Variants in FOXK1 observed in about 807,000 individuals in gnomAD.
The protein encoded by FOXK1 is forkhead box protein K1.
A neutral mutation model predicts 51.9 loss-of-function variants in FOXK1; 19 were observed. The observed-to-expected ratio is 0.37, with a 90% CI of 0.26 to 0.54. The LOEUF (loss-of-function observed/expected upper bound fraction) is 0.54, where lower values mean the gene tolerates loss of function less well. FOXK1 is among the 20% of genes least tolerant of loss of function. The pLI is 0.87. For synonymous variants in FOXK1, 537 were observed against 482.6 expected (o/e 1.11, Z -1.48); for missense variants, 870 against 1,032.7 (o/e 0.84, Z 2.16).
At position 4,755,506 on chromosome 7, in the gene FOXK1, C is replaced by T; in HGVS notation, c.1050+123C>T. On this transcript the variant is annotated intron_variant, in intron 4 of 8. Coordinates refer to ENST00000328914, the MANE Select transcript of FOXK1 (RefSeq NM_001037165.2). This position sits in a 1 kb window ranked among gnomAD's most constrained non-coding sequence, Gnocchi z 6.6. ...AGGGGGCTCACGCCTGGAACCCTAG[C>T]ATTTTGTGAGGCCGAGGCAGGAGGA... is the stretch of plus-strand genomic sequence containing the variant. The T allele has an allele frequency of 7.4e-7, 1 of 1,352,120 alleles. No individual in the cohort carries two copies. Among genetic ancestry groups the T allele is most frequent in the Non-Finnish European group, 1.0e-6 (1 of 999,702 alleles). 83.8% of individuals were successfully genotyped at this position (1,352,120 alleles called of 1,614,324 possible). A position where few individuals can be genotyped will look rare whatever the true frequency, so the allele number is the denominator to read the frequency against.
At chr7:4,690,276 C>A (rs1410724888) in intron 1 of FOXK1, among the ~76,000 whole-genome samples, 1 of 152,208 alleles carries the variant, frequency 6.6e-6, no homozygotes, top group Non-Finnish European at 1.5e-5. Context: ...GGAGGGGGAG[C>A]CGCTTCGCGG....
rs1583215098 is a variant in FOXK1 at position 4,763,693 on chromosome 7, A to G, written c.*1229A>G. 1 of 152,272 alleles carries G rather than the reference A, an allele frequency of 6.6e-6. No individual in the cohort carries two copies. The highest frequency in any genetic ancestry group is 2.1e-4 in the South Asian group (1 of 4,834). The allele number at this position is 152,272 out of a possible 1,614,324, so 9.4% of individuals were successfully genotyped here. On this transcript the variant is annotated 3_prime_UTR_variant, in exon 9 of 9. Coordinates refer to ENST00000328914, the MANE Select transcript of FOXK1 (RefSeq NM_001037165.2). ...TTGGGTGGTTCTGGGGTCCCTGAGG[A>G]AGCCCCCTCCTGCACTTCCATTAAG... is the stretch of plus-strand genomic sequence containing the variant.
intron 1 of FOXK1, among the ~76,000 whole-genome samples, chr7:4,726,257 C>T (rs1055511393): frequency 2.0e-5 from 3 of 152,162 alleles, no homozygotes; most frequent in Middle Eastern, 3.2e-3. Context: ...TTAGGAAGCA[C>T]GAGACCTGTG....
intron 1 of FOXK1, among the ~76,000 whole-genome samples, chr7:4,688,451 A>C (rs1779848499): frequency 6.6e-6 from 1 of 151,032 alleles, no homozygotes; most frequent in Admixed American, 6.6e-5. Flanking sequence ...CCCAGGCTGG[A>C]GTGCAGTGGC....
Position 4,722,234 on chromosome 7 carries a change from C to T in FOXK1, c.561-18604C>T, listed in dbSNP as rs1038512397. 1.3e-5 allele frequency among the ~76,000 whole-genome samples: 2 copies of T among 152,170 alleles called. No individual in the cohort carries two copies. The highest frequency in any genetic ancestry group is 2.9e-5 in the Non-Finnish European group (2 of 68,002). On this transcript the variant is annotated intron_variant, in intron 1 of 8. Coordinates refer to ENST00000328914, the MANE Select transcript of FOXK1 (RefSeq NM_001037165.2). The surrounding 1 kb of genome is among the most constrained non-coding windows in gnomAD (Gnocchi z 5.1). Reference sequence around the variant, plus strand: ...ACGGCCGCCTGGAAATAAATGCCAGCACCGTGCAAGCTGGCTTTGCATTCT... The same window carrying T: ...ACGGCCGCCTGGAAATAAATGCCAGTACCGTGCAAGCTGGCTTTGCATTCT...
rs1184254740 is a variant in FOXK1, at chr7:4,706,048, ATATATG to A, written c.560+23186_560+23191del. 3.2e-4 allele frequency among the ~76,000 whole-genome samples: 43 copies of A among 133,766 alleles called. 1 individual carries two copies. Among genetic ancestry groups the A allele is most frequent in the Non-Finnish European group, 6.3e-4 (42 of 66,942 alleles). The allele number at this position is 133,766 out of a possible 152,430, so 87.8% of individuals were successfully genotyped here. A position where few individuals can be genotyped will look rare whatever the true frequency, so the allele number is the denominator to read the frequency against. On this transcript the variant is annotated intron_variant, in intron 1 of 8. Coordinates refer to ENST00000328914, the MANE Select transcript of FOXK1 (RefSeq NM_001037165.2). ...CGTGTATATACGTGTATATACGTGT[ATATATG>A]TATATATATGTGTATATATGTATAT...
chr7:4,694,134 AC>A (rs1046421900), intron 1 of FOXK1, among the ~76,000 whole-genome samples: 2 of 152,040 alleles, frequency 1.3e-5, no homozygotes, highest in Non-Finnish European at 2.9e-5. Context: ...TGATCCTCCC[AC>A]CTGGGCTTCC....
rs1047255520 is a variant in FOXK1, at chr7:4,731,602, A to G, written c.561-9236A>G. Among the ~76,000 whole-genome samples, 1 of 152,094 alleles carries G rather than the reference A, an allele frequency of 6.6e-6. No individual in the cohort carries two copies. Among genetic ancestry groups the G allele is most frequent in the African/African-American group, 2.4e-5 (1 of 41,418 alleles). ...TGGTGAAACCCCATCTCTACTAAAA[A>G]TACAAAAATTAGCCGGGCATGGTGG... On this transcript the variant is annotated intron_variant, in intron 1 of 8. Transcript: ENST00000328914. The surrounding 1 kb of genome is among the most constrained non-coding windows in gnomAD (Gnocchi z 5.3).
chr7:4,688,500 T>C (rs1194785330), intron 1 of FOXK1, among the ~76,000 whole-genome samples: 1 of 151,924 alleles, frequency 6.6e-6, no homozygotes, highest in Non-Finnish European at 1.5e-5. Flanking sequence ...GTTCAAGCGA[T>C]TCCCCCTGCC....
chr7:4,697,989 T>C (rs951627009), intron 1 of FOXK1, among the ~76,000 whole-genome samples: 30 of 152,046 alleles, frequency 2.0e-4, no homozygotes, highest in Non-Finnish European at 1.5e-5. Flanking sequence ...CATGCCTGGC[T>C]AATTTTTGTA....
At chr7:4,690,941 T>C (rs965845284) in intron 1 of FOXK1, among the ~76,000 whole-genome samples, 1 of 152,234 alleles carries the variant, frequency 6.6e-6, no homozygotes, top group African/African-American at 2.4e-5. Context: ...GAGAGGATTA[T>C]ATAAAATGCT....
intron 1 of FOXK1, among the ~76,000 whole-genome samples, chr7:4,710,332 G>A (rs1780158803): frequency 6.6e-6 from 1 of 152,152 alleles, no homozygotes; most frequent in African/African-American, 2.4e-5. Context: ...GATTGCTTGA[G>A]CCCAGGAGTT....
rs1303542622 is a variant in FOXK1 at position 4,749,708 on chromosome 7, T to C, written c.747-4751T>C. On this transcript the variant is annotated intron_variant, in intron 2 of 8. Transcript: ENST00000328914. The surrounding 1 kb of genome is among the most constrained non-coding windows in gnomAD (Gnocchi z 6.0). Reference sequence around the variant, plus strand: ...CCCTAGGCCTCTCAGGGTGGCCTTCTCAGCCTCAGAGCAGAGCCAAGGGCA... The same window carrying C: ...CCCTAGGCCTCTCAGGGTGGCCTTCCCAGCCTCAGAGCAGAGCCAAGGGCA... Among the ~76,000 whole-genome samples, 1 of 152,188 alleles carries C rather than the reference T, an allele frequency of 6.6e-6. No individual in the cohort carries two copies.
intron 2 of FOXK1, 87 bp downstream of exon 2, chr7:4,741,110 A>G (rs1583204501): frequency 2.5e-5 from 24 of 970,870 alleles, no homozygotes; most frequent in Middle Eastern, 2.6e-4. Context: ...CCGGGTTCCA[A>G]ATCTCTCTGG....
At chr7:4,754,060 G>A (rs1485827296) in intron 2 of FOXK1, among the ~76,000 whole-genome samples, 2 of 152,170 alleles carry the variant, frequency 1.3e-5, no homozygotes, top group African/African-American at 4.8e-5. Context: ...TTCCCACAGC[G>A]CCGCCTTGTG....
At position 4,735,046 on chromosome 7, in the gene FOXK1, G is replaced by C. The variant is rs891940776; in HGVS notation, c.561-5792G>C. Among the ~76,000 whole-genome samples, 2 of 152,160 alleles carry C rather than the reference G, an allele frequency of 1.3e-5. No individual in the cohort carries two copies. Among genetic ancestry groups the C allele is most frequent in the Admixed American group, 6.5e-5 (1 of 15,270 alleles). On this transcript the variant is annotated intron_variant, in intron 1 of 8. Coordinates refer to ENST00000328914, the MANE Select transcript of FOXK1 (RefSeq NM_001037165.2). The surrounding 1 kb of genome is among the most constrained non-coding windows in gnomAD (Gnocchi z 4.7). The stretch of plus-strand genomic sequence containing the variant: ...GTGAGCTATTTTTATTTTCCTGACA[G>C]CTTTCTGTTTGGCCGGGCAGGTGGT...
intron 2 of FOXK1, among the ~76,000 whole-genome samples, chr7:4,746,207 C>CA (rs1182155400): frequency 6.6e-6 from 1 of 152,228 alleles, no homozygotes; most frequent in African/African-American, 2.4e-5. Context: ...CAACTGACTT[C>CA]AAAATCTTTC....
intron 1 of FOXK1, among the ~76,000 whole-genome samples, chr7:4,739,353 C>T (rs954806910): frequency 1.7e-4 from 26 of 152,226 alleles, no homozygotes; most frequent in African/African-American, 5.8e-4. Flanking sequence ...GCTGCGCAGG[C>T]GGCCAGCGTT....
Position 4,697,630 on chromosome 7 carries a change from A to G in FOXK1, c.560+14762A>G, listed in dbSNP as rs571859255. ...GGTTCATCAGCACCTTTTATTACCA[A>G]TTTCTCTCCACATTTCTTGTCAGGT... On this transcript the variant is annotated intron_variant, in intron 1 of 8. Coordinates refer to ENST00000328914, the MANE Select transcript of FOXK1 (RefSeq NM_001037165.2). 4.6e-5 allele frequency among the ~76,000 whole-genome samples: 7 copies of G among 151,742 alleles called. No individual in the cohort carries two copies. In the East Asian group the frequency reaches 5.8e-4, roughly 13 times the overall value.
Sources: gnomAD v4.1 joint callset for allele counts (sites outside exome capture counted in the v4.1 genomes callset) on GRCh38, gnomAD v4.1.1 for gene constraint, Gnocchi (gnomAD v3.1) non-coding constraint, MANE v1.5 for transcripts, NCBI Gene and HGNC (gene_info 2026-07-23, HGNC 2026-07-21) for gene names.